Variants in PRELID2 observed in about 807,000 individuals in gnomAD.
PRELID2 encodes the protein PRELI domain-containing protein 2.
In PRELID2, 25 loss-of-function variants were observed where a neutral mutation model predicts 28.4. That is an observed-to-expected ratio of 0.88 (90% CI 0.64 to 1.23). The LOEUF is 1.23. PRELID2 is among the 50% of genes most tolerant of loss of function. PRELID2 has a pLI of 0.00. For synonymous variants in PRELID2, 76 were observed against 71.6 expected (o/e 1.06, Z -0.31); for missense variants, 201 against 214.4 (o/e 0.94, Z 0.39).
chr5:145,391,242 G>T, the PRELID2 span, among the ~76,000 whole-genome samples: 1 of 152,174 alleles, frequency 6.6e-6, no homozygotes, highest in African/African-American at 2.4e-5. Flanking sequence ...AGACATCCAG[G>T]CATTTCCATA....
chr5:145,482,632 G>A (rs1269113411), intron 1 of PRELID2, among the ~76,000 whole-genome samples: 1 of 151,990 alleles, frequency 6.6e-6, no homozygotes, highest in African/African-American at 2.4e-5. Context: ...GATGGTTTTG[G>A]TATGATTCAA....
chr5:145,536,669 G>A (rs1752701827), intron 1 of PRELID2, among the ~76,000 whole-genome samples: 1 of 151,904 alleles, frequency 6.6e-6, no homozygotes, highest in African/African-American at 2.4e-5. Context: ...CTTCCATGTA[G>A]TTCAAGGCAG....
chr5:145,396,686 C>G, the PRELID2 span, among the ~76,000 whole-genome samples: 11 of 152,024 alleles, frequency 7.2e-5, no homozygotes, highest in Non-Finnish European at 1.6e-4. Context: ...AATTTCTGAG[C>G]AGATAACTAA....
the PRELID2 span, among the ~76,000 whole-genome samples, chr5:145,317,610 G>A: frequency 2.7e-4 from 41 of 152,286 alleles, no homozygotes; most frequent in Admixed American, 1.4e-3. Flanking sequence ...AGACTGGGGG[G>A]TGGAGAAAAA....
rs10476877 is a variant in PRELID2 at position 145,813,364 on chromosome 5, T to C, written c.368+4530A>G. On this transcript the variant is annotated intron_variant, in intron 4 of 6. Transcript: ENST00000683046. ...CTGCCTAAATGCCTTTCTAAATCCATGTCAAGAGCTAAGGAAACATAAGTT... is the reference window on the plus strand; with the variant it reads ...CTGCCTAAATGCCTTTCTAAATCCACGTCAAGAGCTAAGGAAACATAAGTT... 7.0e-3 allele frequency among the ~76,000 whole-genome samples: 1,059 copies of C among 152,318 alleles called. 14 individuals are homozygous for C. Among genetic ancestry groups the C allele is most frequent in the African/African-American group, 0.024 (1,005 of 41,558 alleles).
chr5:145,336,545 G>T, the PRELID2 span, among the ~76,000 whole-genome samples: 5 of 152,078 alleles, frequency 3.3e-5, no homozygotes, highest in East Asian at 7.8e-4. Flanking sequence ...TTTCCCCATT[G>T]CTTGTTTTTC....
At chr5:145,363,185 G>C in the PRELID2 span, among the ~76,000 whole-genome samples, 1 of 149,626 alleles carries the variant, frequency 6.7e-6, no homozygotes, top group Non-Finnish European at 1.5e-5. Context: ...TAGTGAGAAA[G>C]AATAGCGAAT....
the PRELID2 span, among the ~76,000 whole-genome samples, chr5:145,404,550 G>A: frequency 1.7e-4 from 26 of 152,294 alleles, no homozygotes; most frequent in African/African-American, 6.0e-4. Flanking sequence ...CTGACCAAAT[G>A]ACCAACAATT....
the PRELID2 span, among the ~76,000 whole-genome samples, chr5:145,416,734 A>C: frequency 6.6e-6 from 1 of 152,224 alleles, no homozygotes; most frequent in East Asian, 1.9e-4. Flanking sequence ...TCACAGCTAA[A>C]AGAACTAGAA....
chr5:145,402,869 A>G, the PRELID2 span, among the ~76,000 whole-genome samples: 1 of 152,204 alleles, frequency 6.6e-6, no homozygotes, highest in East Asian at 1.9e-4. Context: ...TTTCAAGGAC[A>G]TATGAATGAG....
intron 5 of PRELID2, among the ~76,000 whole-genome samples, chr5:145,777,147 G>C (rs185387569): frequency 6.6e-6 from 1 of 152,290 alleles, no homozygotes; most frequent in East Asian, 1.9e-4. Context: ...AAAATAGTTT[G>C]TTACAGTGGC....
the PRELID2 span, among the ~76,000 whole-genome samples, chr5:145,380,740 G>C: frequency 6.6e-6 from 1 of 152,110 alleles, no homozygotes; most frequent in African/African-American, 2.4e-5. Context: ...CGTTTCAGTT[G>C]AATGAAATAA....
intron 1 of PRELID2, among the ~76,000 whole-genome samples, chr5:145,693,728 C>A (rs72811545): frequency 1.1e-4 from 17 of 152,294 alleles, no homozygotes; most frequent in Non-Finnish European, 2.4e-4. Context: ...GAGCTCTGAT[C>A]ATACCACTTC....
At chr5:145,534,897 C>G (rs1363922641) in intron 1 of PRELID2, among the ~76,000 whole-genome samples, 1 of 151,874 alleles carries the variant, frequency 6.6e-6, no homozygotes, top group East Asian at 1.9e-4. Flanking sequence ...GACTTTCTCC[C>G]TATAGCAAAT....
chr5:145,698,889 G>A (rs148979756), intron 1 of PRELID2, among the ~76,000 whole-genome samples: 19 of 152,240 alleles, frequency 1.2e-4, no homozygotes, highest in Middle Eastern at 3.4e-3. Flanking sequence ...ACCATGCCCG[G>A]CTAATTTTTT....
At chr5:145,606,209 A>T (rs1012304432) in intron 1 of PRELID2, among the ~76,000 whole-genome samples, 1 of 152,064 alleles carries the variant, frequency 6.6e-6, no homozygotes, top group African/African-American at 2.4e-5. Flanking sequence ...CACATCATCT[A>T]CAAACAGAGA....
rs147623618 is a variant in PRELID2 at position 145,580,069 on chromosome 5, T to A, written n.71-106754A>T. On this transcript the variant is annotated intron_variant and non_coding_transcript_variant, in intron 1 of 2. Transcript: ENST00000510259. ...CAATCTATTGACCATTCCAGAAATA[T>A]TTTATGTTAGGCTGAGAGTCAATTT... Among the ~76,000 whole-genome samples the A allele has an allele frequency of 5.1e-4, 78 of 152,206 alleles. No individual in the cohort carries two copies. In the East Asian group the frequency reaches 0.013, roughly 25 times the overall value.
At chr5:145,236,571 A>G in the PRELID2 span, among the ~76,000 whole-genome samples, 1 of 152,140 alleles carries the variant, frequency 6.6e-6, no homozygotes, top group East Asian at 1.9e-4. Flanking sequence ...CACATTGATA[A>G]TGTTCATCAC....
chr5:145,504,420 T>C (rs534820808), intron 1 of PRELID2, among the ~76,000 whole-genome samples: 1 of 152,340 alleles, frequency 6.6e-6, no homozygotes, highest in African/African-American at 2.4e-5. Context: ...TATTTTCATT[T>C]GATCTTCGCC....
Sources: allele counts gnomAD v4.1 joint callset (sites outside exome capture counted in the v4.1 genomes callset), GRCh38; gene constraint gnomAD v4.1.1; transcripts MANE v1.5; gene names NCBI Gene and HGNC (gene_info 2026-07-23, HGNC 2026-07-21).